Variants in OXR1 observed in about 807,000 individuals in gnomAD.
OXR1 encodes oxidation resistance 1, also known as oxidation resistance protein 1.
A neutral mutation model predicts 104.6 loss-of-function variants in OXR1; 41 were observed. That is an observed-to-expected ratio of 0.39 (90% confidence interval 0.31 to 0.51). The LOEUF (loss-of-function observed/expected upper bound fraction) is 0.51. OXR1 is among the 20% of genes least tolerant of loss of function. The pLI is 0.77. For synonymous variants in OXR1, 348 were observed against 348.4 expected, an observed-to-expected ratio of 1.00 and a Z score of 0.01; for missense variants, 955 against 1,031.9, an observed-to-expected ratio of 0.93 and a Z score of 1.02.
At chr8:106,352,043 G>T (rs186704410) in intron 1 of OXR1, among the ~76,000 whole-genome samples, 55 of 152,208 alleles carry the variant, frequency 3.6e-4, no homozygotes, top group Non-Finnish European at 4.7e-4. Context: ...AAATGACTGT[G>T]TTCCACCAAG....
At chr8:106,388,947 C>T (rs1307479695) in intron 2 of OXR1, among the ~76,000 whole-genome samples, 1 of 152,136 alleles carries the variant, frequency 6.6e-6, no homozygotes, top group East Asian at 1.9e-4. Context: ...CCAGGGATAG[C>T]CTCAAAACTT....
chr8:106,476,929 A>G (rs1821839808), intron 2 of OXR1, among the ~76,000 whole-genome samples: 1 of 151,962 alleles, frequency 6.6e-6, no homozygotes, highest in South Asian at 2.1e-4. Flanking sequence ...GCCTCGAGGC[A>G]TTTTGCAAAG....
intron 3 of OXR1, among the ~76,000 whole-genome samples, chr8:106,577,271 T>G (rs897313052): frequency 2.0e-5 from 3 of 150,950 alleles, no homozygotes; most frequent in Admixed American, 6.6e-5. Flanking sequence ...AATGCAGTGG[T>G]GCAATCTTGG....
intron 2 of OXR1, among the ~76,000 whole-genome samples, chr8:106,509,923 C>T (rs1812413014): frequency 6.6e-6 from 1 of 152,116 alleles, no homozygotes; most frequent in African/African-American, 2.4e-5. Flanking sequence ...AGGTGCACAC[C>T]ACCACGCCCC....
chr8:106,587,161 G>A (rs1199175169), intron 3 of OXR1, among the ~76,000 whole-genome samples: 1 of 152,170 alleles, frequency 6.6e-6, no homozygotes, highest in Non-Finnish European at 1.5e-5. Flanking sequence ...ATAGGTGAGA[G>A]AGGATGGGGA....
At chr8:106,412,771 AT>A (rs1224486399) in intron 2 of OXR1, among the ~76,000 whole-genome samples, 5 of 152,036 alleles carry the variant, frequency 3.3e-5, no homozygotes, top group Admixed American at 3.3e-4. Context: ...AGTTTTCTAT[AT>A]TTTCCAAAGG....
chr8:106,276,271 C>G (rs921347759), intron 1 of OXR1, among the ~76,000 whole-genome samples: 1 of 152,202 alleles, frequency 6.6e-6, no homozygotes, highest in Admixed American at 6.5e-5. Flanking sequence ...GACCAAAACA[C>G]TGAACTCAGC....
chr8:106,750,314 C>G (rs1182010698), intron 16 of OXR1, among the ~76,000 whole-genome samples: 1 of 134,286 alleles, frequency 7.4e-6, no homozygotes, highest in Non-Finnish European at 1.6e-5. Context: ...TTTTTCTTTT[C>G]TTTTCTTTTC....
intron 2 of OXR1, among the ~76,000 whole-genome samples, chr8:106,453,530 T>C (rs1393401269): frequency 6.6e-6 from 1 of 152,194 alleles, no homozygotes; most frequent in Non-Finnish European, 1.5e-5. Context: ...ATTCAGGCAC[T>C]CATTATCTCT....
chr8:106,441,028 C>G (rs996439819), intron 2 of OXR1, among the ~76,000 whole-genome samples: 3 of 152,042 alleles, frequency 2.0e-5, no homozygotes, highest in South Asian at 2.1e-4. Context: ...ATAGTATCAT[C>G]TGCTAGGATT....
chr8:106,294,165 G>T (rs1037802495), intron 1 of OXR1, among the ~76,000 whole-genome samples: 1 of 151,638 alleles, frequency 6.6e-6, no homozygotes, highest in Non-Finnish European at 1.5e-5. Flanking sequence ...CACTTTGGGA[G>T]GCCGAGGCGG....
chr8:106,387,728 C>T (rs1817433825), intron 2 of OXR1, among the ~76,000 whole-genome samples: 1 of 152,118 alleles, frequency 6.6e-6, no homozygotes, highest in Non-Finnish European at 1.5e-5. Context: ...CATTGGAGGA[C>T]ACATGGTATA....
At chr8:106,347,387 C>T (rs1299495577) in intron 1 of OXR1, among the ~76,000 whole-genome samples, 4 of 152,144 alleles carry the variant, frequency 2.6e-5, no homozygotes, top group African/African-American at 4.8e-5. Context: ...GAAGGTCTTA[C>T]CCTCTTAGAA....
At chr8:106,301,347 T>C (rs1308389013) in intron 1 of OXR1, among the ~76,000 whole-genome samples, 1 of 140,508 alleles carries the variant, frequency 7.1e-6, no homozygotes, top group African/African-American at 3.1e-5. Context: ...ATACAACAAC[T>C]ATTTAAAATT....
intron 3 of OXR1, among the ~76,000 whole-genome samples, chr8:106,624,180 G>A (rs915028410): frequency 6.6e-6 from 1 of 152,316 alleles, no homozygotes; most frequent in East Asian, 1.9e-4. Flanking sequence ...TTGGCAGTAT[G>A]GTCTAGCTTA....
intron 3 of OXR1, among the ~76,000 whole-genome samples, chr8:106,668,912 C>A (rs1826634934): frequency 6.6e-6 from 1 of 152,132 alleles, no homozygotes; most frequent in African/African-American, 2.4e-5. Context: ...AATAGTAAAT[C>A]TGTAGGTCCG....
At chr8:106,310,186 A>G (rs1417338093) in intron 1 of OXR1, among the ~76,000 whole-genome samples, 2 of 147,874 alleles carry the variant, frequency 1.4e-5, no homozygotes, top group African/African-American at 4.9e-5. Flanking sequence ...CTTTAACAAT[A>G]TTTTGTTTTT....
intron 1 of OXR1, among the ~76,000 whole-genome samples, chr8:106,291,255 C>T (rs1812738787): frequency 6.6e-6 from 1 of 152,022 alleles, no homozygotes; most frequent in Admixed American, 6.6e-5. Flanking sequence ...TGAACCTAAA[C>T]CTGGAAACAG....
chr8:106,501,416 GT>G (rs1458812734), intron 2 of OXR1, among the ~76,000 whole-genome samples: 1 of 152,226 alleles, frequency 6.6e-6, no homozygotes, highest in Non-Finnish European at 1.5e-5. Flanking sequence ...GCAGAGTATG[GT>G]GAGTGGTTTA....
Sources: allele counts gnomAD v4.1 joint callset (sites outside exome capture counted in the v4.1 genomes callset), GRCh38; gene constraint gnomAD v4.1.1; transcripts MANE v1.5; gene names NCBI Gene and HGNC (gene_info 2026-07-23, HGNC 2026-07-21).